The following KIAA0232 variants were observed in gnomAD, a reference collection of about 807,000 sequenced individuals.
KIAA0232 encodes the protein KIAA0232, also known as uncharacterized protein KIAA0232.
In KIAA0232, 27 loss-of-function variants were observed where a neutral mutation model predicts 122.0. The observed-to-expected ratio is 0.22, with a 90% confidence interval of 0.16 to 0.31. The LOEUF (loss-of-function observed/expected upper bound fraction) is 0.31. Ranked by LOEUF, KIAA0232 falls within the 10% of genes least tolerant of loss-of-function variation. The pLI, the probability that KIAA0232 is intolerant of heterozygous loss-of-function variation, is 1.00. For missense variants in KIAA0232, 1,551 were observed against 1,634.2 expected, an observed-to-expected ratio of 0.95 and a Z score of 0.88; for synonymous variants, 613 against 587.6, an observed-to-expected ratio of 1.04 and a Z score of -0.63.
At chr4:6,799,251 A>G (rs1453027194) in intron 1 of KIAA0232, among the ~76,000 whole-genome samples, 11 of 150,526 alleles carry the variant, frequency 7.3e-5, no homozygotes, top group Non-Finnish European at 1.6e-4. Context: ...ACATCAGATC[A>G]TTGAATTAGA....
rs189427788 is a variant in KIAA0232, at chr4:6,791,825, C to T, written c.-354+8984C>T. Among the ~76,000 whole-genome samples, 15 of 152,234 alleles carry T rather than the reference C, an allele frequency of 9.9e-5. 1 individual carries two copies. The highest frequency in any genetic ancestry group is 9.7e-4 in the East Asian group (5 of 5,178). ...TCCATATCAGACATACAGATTGATA[C>T]GGGTTGGCTGTGTCCCCACCCAAAT... On this transcript the variant is annotated intron_variant, in intron 1 of 9. Transcript: ENST00000307659.
chr4:6,798,951 A>G (rs1717254562), intron 1 of KIAA0232, among the ~76,000 whole-genome samples: 1 of 152,160 alleles, frequency 6.6e-6, no homozygotes, highest in Admixed American at 6.5e-5. Flanking sequence ...TTTCCTAGGG[A>G]TGCTACAACA....
chr4:6,809,023 A>T (rs966184483), intron 2 of KIAA0232, among the ~76,000 whole-genome samples: 2 of 152,202 alleles, frequency 1.3e-5, no homozygotes, highest in African/African-American at 4.8e-5. Flanking sequence ...CCAGCACTCT[A>T]TAAGTGTTGG....
intron 4 of KIAA0232, among the ~76,000 whole-genome samples, chr4:6,851,036 G>T (rs1360187836): frequency 1.3e-5 from 2 of 152,284 alleles, no homozygotes; most frequent in East Asian, 1.9e-4. Context: ...GTATACTTAG[G>T]CATCAGATTC....
intron 3 of KIAA0232, among the ~76,000 whole-genome samples, chr4:6,834,580 A>G (rs1056491688): frequency 6.6e-6 from 1 of 152,224 alleles, no homozygotes; most frequent in African/African-American, 2.4e-5. Flanking sequence ...GCCCTGCCAT[A>G]TATCCTAATT....
chr4:6,857,663 G>GA (rs1720633459), intron 5 of KIAA0232, among the ~76,000 whole-genome samples: 1 of 152,170 alleles, frequency 6.6e-6, no homozygotes, highest in Admixed American at 6.5e-5. Context: ...GTTAAGACAT[G>GA]AATTACTTCA....
chr4:6,857,083 G>A, intron 4 of KIAA0232, 81 bp from the exon 5 acceptor site: 3 of 915,956 alleles, frequency 3.3e-6, no homozygotes, highest in East Asian at 2.8e-5. Context: ...TGTAAAACCT[G>A]TGTATTAAAA....
In KIAA0232 at chr4:6,871,614, G is replaced by T; in HGVS notation, c.3842G>T (p.Ser1281Ile). ...ACTGATATACAAGGAATGAATAGAA[G>T]TCAAGAAAAACAGACCTGGTGGGAA... ...LNTDIQGMNR[S>I]QEKQTWWEKA... is the part of the protein sequence containing the mutation. Residue 1281 changes from serine to isoleucine, a missense_variant, in exon 8 of 10, where the codon AGT (serine) becomes ATT (isoleucine). Ser to Ile is a moderately radical substitution (Grantham distance 142). Around this residue, in one of 5 missense-constraint regions of KIAA0232, gnomAD observed 1,108 missense variants for 1,154.8 expected, o/e 0.96. Transcript: ENST00000307659. 6.2e-7 allele frequency: 1 copy of T among 1,612,516 alleles called. No homozygotes were observed. The highest frequency in any genetic ancestry group is 8.5e-7 in the Non-Finnish European group (1 of 1,178,540).
intron 2 of KIAA0232, among the ~76,000 whole-genome samples, chr4:6,816,332 G>C (rs1298360705): frequency 6.7e-6 from 1 of 149,352 alleles, no homozygotes; most frequent in Non-Finnish European, 1.5e-5. Flanking sequence ...GCCCAGGCTC[G>C]AGTGCAGTGG....
chr4:6,832,136 A>T (rs1056709829), intron 3 of KIAA0232, among the ~76,000 whole-genome samples: 1 of 152,140 alleles, frequency 6.6e-6, no homozygotes, highest in Non-Finnish European at 1.5e-5. Context: ...GAGAGTATTT[A>T]TTTGTTTAAT....
chr4:6,825,258 G>C (rs1436717055), intron 3 of KIAA0232, among the ~76,000 whole-genome samples: 1 of 152,142 alleles, frequency 6.6e-6, no homozygotes, highest in Non-Finnish European at 1.5e-5. Flanking sequence ...TGAGTTTATA[G>C]TGAGAAATTG....
rs1721033082 is a variant in KIAA0232 at position 6,863,991 on chromosome 4, A to G, written c.3609A>G (p.Ser1203=). 6.2e-7 allele frequency: 1 copy of G among 1,614,040 alleles called. No individual in the cohort carries two copies. ...DSQEESTGIL[S]VGKQNQCLEC... ...AGGAGGAATCAACTGGGATTCTTTC[A>G]GTAGGAAAGCAAAATCAGTGTTTGG... is the stretch of plus-strand genomic sequence containing the variant. Residue 1203 remains serine (S), a synonymous_variant, in exon 7 of 10, where the codon TCA becomes TCG. Coordinates refer to ENST00000307659, the MANE Select transcript of KIAA0232 (RefSeq NM_014743.3).
intron 1 of KIAA0232, among the ~76,000 whole-genome samples, chr4:6,799,989 T>G (rs112471251): frequency 0.17 from 25,460 of 150,668 alleles, 2,435 homozygotes; most frequent in Admixed American, 0.29. Context: ...CACTCCGCCT[T>G]GCTGGCTTTT....
At chr4:6,845,226 A>C (rs999631834) in intron 4 of KIAA0232, among the ~76,000 whole-genome samples, 1 of 152,186 alleles carries the variant, frequency 6.6e-6, no homozygotes, top group Non-Finnish European at 1.5e-5. Context: ...AGCCAGCCTG[A>C]TTTGATAAGC....
chr4:6,841,959 C>A, intron 3 of KIAA0232, 108 bp from the exon 4 acceptor site: 1 of 1,258,796 alleles, frequency 7.9e-7, no homozygotes, highest in Non-Finnish European at 1.1e-6. Flanking sequence ...TCCTAAAACT[C>A]GTATGGAAAT....
chr4:6,834,890 T>TA (rs1450324752), intron 3 of KIAA0232, among the ~76,000 whole-genome samples: 1 of 152,098 alleles, frequency 6.6e-6, no homozygotes, highest in Non-Finnish European at 1.5e-5. Context: ...ACAAAAGAAA[T>TA]ACTTTTATTT....
intron 1 of KIAA0232, among the ~76,000 whole-genome samples, chr4:6,800,617 G>A (rs910507953): frequency 7.2e-5 from 11 of 151,870 alleles, no homozygotes; most frequent in Admixed American, 2.6e-4. Flanking sequence ...GGAGGTGGAG[G>A]TTGTGGTGAG....
At chr4:6,838,229 C>T (rs1203026905) in intron 3 of KIAA0232, among the ~76,000 whole-genome samples, 2 of 150,960 alleles carry the variant, frequency 1.3e-5, no homozygotes, top group Non-Finnish European at 2.9e-5. Flanking sequence ...TACTCTGTCA[C>T]CCAAACTGGA....
chr4:6,836,228 A>C (rs895610778), intron 3 of KIAA0232, among the ~76,000 whole-genome samples: 6 of 152,050 alleles, frequency 3.9e-5, no homozygotes, highest in Admixed American at 6.5e-5. Context: ...AGTGATGATG[A>C]GCATTTTTTC....
Sources: allele counts gnomAD v4.1 joint callset (sites outside exome capture counted in the v4.1 genomes callset), GRCh38; gene constraint gnomAD v4.1.1; regional missense constraint gnomAD v4.1.1; transcripts MANE v1.5; gene names NCBI Gene and HGNC (gene_info 2026-07-23, HGNC 2026-07-21).